CSN3: variants seen among roughly 807,000 people sequenced by gnomAD.
The protein encoded by CSN3 is casein kappa.
In CSN3, 7 loss-of-function variants were observed where a neutral mutation model predicts 9.9. The observed-to-expected ratio is 0.71, with a 90% confidence interval of 0.40 to 1.33. CSN3 has a LOEUF of 1.33. CSN3 is among the 40% of genes most tolerant of loss of function. CSN3 has a pLI of 0.01. For missense variants in CSN3, 253 were observed against 227.9 expected (o/e 1.11, Z -0.71); for synonymous variants, 88 against 82.3 (o/e 1.07, Z -0.37).
chr4:70,241,757 C>T (rs181544942), upstream of CSN3, among the ~76,000 whole-genome samples: 2 of 151,810 alleles, frequency 1.3e-5, no homozygotes, highest in Admixed American at 1.3e-4. Context: ...AAATGGTTCA[C>T]CTATATTATT....
upstream of CSN3, among the ~76,000 whole-genome samples, chr4:70,241,574 C>T (rs561364553): frequency 6.6e-6 from 1 of 151,886 alleles, no homozygotes; most frequent in Non-Finnish European, 1.5e-5. Context: ...TTTAGAAAAG[C>T]AAGTAAAAGA....
At chr4:70,249,236 G>T (rs371961587) in exon 4 of CSN3, 2 of 1,614,020 alleles carry the variant, frequency 1.2e-6, no homozygotes, top group Admixed American at 3.3e-5. Flanking sequence ...ACTGTGGTAC[G>T]TCGCCCAAAC....
chr4:70,247,783 T>C, intron 2 of CSN3, 35 bp from the exon 3 acceptor site: 1 of 1,561,772 alleles, frequency 6.4e-7, no homozygotes, highest in Non-Finnish European at 8.7e-7. Context: ...TTTTTTAACT[T>C]ATTTCTCATT....
At chr4:70,249,160 C>T in exon 4 of CSN3, 2 of 1,613,986 alleles carry the variant, frequency 1.2e-6, no homozygotes, top group South Asian at 2.2e-5. Context: ...TTATGCAAAC[C>T]CAGCTGTAGT....
At chr4:70,245,379 C>A (rs1265798809) in intron 2 of CSN3, among the ~76,000 whole-genome samples, 1 of 152,134 alleles carries the variant, frequency 6.6e-6, no homozygotes. Flanking sequence ...ATATTTGAAT[C>A]ATTAACTTTT....
chr4:70,244,893 C>A lies in CSN3; in HGVS notation c.54+20C>A, dbSNP rs749393487. The A allele has an allele frequency of 9.4e-6, 14 of 1,495,890 alleles. No homozygotes were observed. The African/African-American group carries it at 2.0e-4, about 21-fold the overall frequency. The allele number at this position is 1,495,890 out of a possible 1,614,324, so 92.7% of individuals were successfully genotyped here. A position where few individuals can be genotyped will look rare whatever the true frequency, so the allele number is the denominator to read the frequency against. Reference sequence around the variant, plus strand: ...TTTTTGGTAAGTTAATTTCATCTAACCAGATTGTACTGACTTTAAGAAAAT... The same window carrying A: ...TTTTTGGTAAGTTAATTTCATCTAAACAGATTGTACTGACTTTAAGAAAAT... On this transcript the variant is annotated intron_variant, in intron 2 of 4. Transcript: ENST00000304954.
chr4:70,239,436 G>A (rs1281690470), upstream of CSN3, among the ~76,000 whole-genome samples: 1 of 151,854 alleles, frequency 6.6e-6, no homozygotes, highest in Non-Finnish European at 1.5e-5. Flanking sequence ...GGGGTCTTGG[G>A]TTCGTGTTGG....
chr4:70,242,050 G>A (rs879866402), upstream of CSN3, among the ~76,000 whole-genome samples: 1 of 151,822 alleles, frequency 6.6e-6, no homozygotes, highest in Non-Finnish European at 1.5e-5. Context: ...TTGAAATCCA[G>A]GTTCTTAAAC....
chr4:70,246,518 TAA>T (rs893098772), intron 2 of CSN3, among the ~76,000 whole-genome samples: 4 of 151,424 alleles, frequency 2.6e-5, no homozygotes, highest in Non-Finnish European at 5.9e-5. Context: ...ATGATATAAA[TAA>T]AAAAAAGAGA....
chr4:70,244,593 T>C (rs963914230), intron 1 of CSN3, among the ~76,000 whole-genome samples: 2 of 152,106 alleles, frequency 1.3e-5, no homozygotes, highest in African/African-American at 2.4e-5. Context: ...GTAATGATAA[T>C]TTGATAATTC....
chr4:70,242,968 G>A (rs534334465), intron 1 of CSN3, among the ~76,000 whole-genome samples: 1 of 152,180 alleles, frequency 6.6e-6, no homozygotes, highest in East Asian at 1.9e-4. Flanking sequence ...AATGTTGAGA[G>A]TTAACTCCAC....
exon 4 of CSN3, chr4:70,249,110 C>A (rs200381521): frequency 6.2e-7 from 1 of 1,613,874 alleles, no homozygotes; most frequent in East Asian, 2.2e-5. Flanking sequence ...CAACGTAGAC[C>A]AGCTATAGCA....
At position 70,249,236 on chromosome 4, in the gene CSN3, G is replaced by A. The variant is rs371961587; in HGVS notation, c.326G>A (p.Arg109His). 24 of 1,613,896 alleles carry A rather than the reference G, an allele frequency of 1.5e-5. No individual in the cohort carries two copies. Among genetic ancestry groups the A allele is most frequent in the Admixed American group, 8.3e-5 (5 of 59,976 alleles). ...AATAGCCACCCACCCACTGTGGTAC[G>A]TCGCCCAAACCTGCATCCATCATTT... Residue 109 changes from arginine to histidine, a missense_variant, in exon 4 of 5, where the codon CGT becomes CAT. Transcript: ENST00000304954.
chr4:70,244,687 C>A, intron 1 of CSN3, 125 bp from the exon 2 acceptor site: 1 of 427,424 alleles, frequency 2.3e-6, no homozygotes. Context: ...AAATTTTTCA[C>A]ATCGGCTAAA....
At chr4:70,240,900 A>G (rs1033892567), upstream of CSN3, among the ~76,000 whole-genome samples, 4 of 151,958 alleles carry the variant, frequency 2.6e-5, no homozygotes, top group African/African-American at 9.7e-5. Flanking sequence ...CAAAAGCTAC[A>G]TTAGTATTTG....
At chr4:70,238,820 C>T (rs192624925), upstream of CSN3, among the ~76,000 whole-genome samples, 398 of 151,782 alleles carry the variant, frequency 2.6e-3, no homozygotes, top group African/African-American at 8.9e-3. Flanking sequence ...CTATAGGAGT[C>T]ACCAGATGGC....
upstream of CSN3, among the ~76,000 whole-genome samples, chr4:70,238,725 A>C (rs550027524): frequency 6.6e-6 from 1 of 151,968 alleles, no homozygotes; most frequent in African/African-American, 2.4e-5. Context: ...CAGATTAGAA[A>C]GTGGTGTCAG....
At chr4:70,250,110 G>A (rs555438668) in intron 4 of CSN3, among the ~76,000 whole-genome samples, 1 of 152,236 alleles carries the variant, frequency 6.6e-6, no homozygotes. Flanking sequence ...GATACTTTCA[G>A]AACACAATGT....
intron 3 of CSN3, among the ~76,000 whole-genome samples, 164 bp from the exon 4 acceptor site, chr4:70,248,834 A>G (rs1730427201): frequency 6.6e-6 from 1 of 151,986 alleles, no homozygotes; most frequent in Admixed American, 6.6e-5. Context: ...TGGAAAGGCA[A>G]TGTACAAATC....
Sources: allele counts gnomAD v4.1 joint callset (sites outside exome capture counted in the v4.1 genomes callset), GRCh38; gene constraint gnomAD v4.1.1; transcripts MANE v1.5; gene names NCBI Gene and HGNC (gene_info 2026-07-23, HGNC 2026-07-21).